Variants in NBN observed in about 807,000 individuals in gnomAD.
NBN encodes nibrin, also known as Nijmegen breakage syndrome 1 (nibrin).
In NBN, 88 loss-of-function variants were observed where a neutral mutation model predicts 90.8. The ratio of observed to expected loss-of-function variants is 0.97; its 90% confidence interval spans 0.82 to 1.16. NBN has a LOEUF of 1.16. Among genes scored for constraint, NBN ranks in the 50% most tolerant of loss-of-function variants. The pLI is 0.00. For synonymous variants in NBN, 328 were observed against 295.1 expected (o/e 1.11, Z -1.14); for missense variants, 894 against 869.6 (o/e 1.03, Z -0.35).
chr8:89,960,830 T>C (rs1310101605), intron 8 of NBN, among the ~76,000 whole-genome samples: 4 of 152,122 alleles, frequency 2.6e-5, no homozygotes, highest in Non-Finnish European at 4.4e-5. Flanking sequence ...TAAGTATTTG[T>C]TGAATAACAA....
chr8:89,950,735 A>T (rs572130299), intron 11 of NBN, among the ~76,000 whole-genome samples: 1 of 120,186 alleles, frequency 8.3e-6, no homozygotes, highest in South Asian at 2.7e-4. Context: ...TAAACCTTAC[A>T]TATTAAATGA....
At chr8:89,967,282 G>T (rs1349646032) in intron 7 of NBN, among the ~76,000 whole-genome samples, 1 of 152,158 alleles carries the variant, frequency 6.6e-6, no homozygotes, top group African/African-American at 2.4e-5. Flanking sequence ...ATCCAAGGTT[G>T]GTTCCCACCT....
chr8:89,948,739 T>A (rs1810313474), intron 11 of NBN, among the ~76,000 whole-genome samples: 1 of 152,230 alleles, frequency 6.6e-6, no homozygotes, highest in African/African-American at 2.4e-5. Context: ...TCAATAGAAT[T>A]AAATGTATGT....
intron 3 of NBN, 129 bp downstream of exon 3, chr8:89,981,246 A>AGAACTAATT: frequency 1.0e-6 from 1 of 982,764 alleles, no homozygotes. Flanking sequence ...CATGGCACAG[A>AGAACTAATT]GTCCAATACT....
chr8:89,974,251 CTTTTTT>C (rs905605538), intron 5 of NBN, among the ~76,000 whole-genome samples: 5 of 106,504 alleles, frequency 4.7e-5, no homozygotes, highest in East Asian at 2.7e-4. Flanking sequence ...TACTATATGG[CTTTTTT>C]TTTTTTTTTT....
chr8:89,981,447 A>AT lies in NBN; in HGVS notation c.247dup (p.Met83AsnfsTer23). 6.2e-7 allele frequency: 1 copy of AT among 1,614,024 alleles called. No individual in the cohort carries two copies. The highest frequency in any genetic ancestry group is 8.5e-7 in the Non-Finnish European group (1 of 1,179,952). ...CAAAGTTCGGGAAAAGCCATTCTGCATTTTTTCCTCATTAACAAAGGTACC... is the reference window on the plus strand; with the variant it reads ...CAAAGTTCGGGAAAAGCCATTCTGCATTTTTTTCCTCATTAACAAAGGTACC... On this transcript the variant is annotated frameshift_variant, in exon 3 of 16. Coordinates refer to ENST00000265433, the MANE Select transcript of NBN (RefSeq NM_002485.5). LOFTEE classifies it high-confidence loss of function.
intron 11 of NBN, among the ~76,000 whole-genome samples, chr8:89,951,858 T>C (rs954583905): frequency 2.6e-5 from 4 of 152,214 alleles, no homozygotes; most frequent in African/African-American, 9.6e-5. Context: ...TGCAACTCTT[T>C]ATCAGGGACA....
At position 89,943,246 on chromosome 8, in the gene NBN, T is replaced by C. The variant is rs200812782; in HGVS notation, c.2184+7A>G. 2 of 1,613,638 alleles carry C rather than the reference T, an allele frequency of 1.2e-6. No homozygotes were observed. The highest frequency in any genetic ancestry group is 2.2e-5 in the East Asian group (1 of 44,804). ...AAGCAAGTTTCTGGGCCTCACTTCCTACTAACCTCCATTTCCTGCCTTAGC... is the reference window on the plus strand; with the variant it reads ...AAGCAAGTTTCTGGGCCTCACTTCCCACTAACCTCCATTTCCTGCCTTAGC... On this transcript the variant is annotated splice_region_variant and intron_variant, in intron 14 of 15. Transcript: ENST00000265433.
intron 7 of NBN, 42 bp downstream of exon 7, chr8:89,970,322 C>A: frequency 6.7e-7 from 1 of 1,490,878 alleles, no homozygotes; most frequent in South Asian, 1.1e-5. Context: ...AACATAAAAT[C>A]TCCTACTTGC....
At chr8:89,936,447 T>C (rs565022592) in intron 15 of NBN, among the ~76,000 whole-genome samples, 1 of 152,326 alleles carries the variant, frequency 6.6e-6, no homozygotes, top group East Asian at 1.9e-4. Flanking sequence ...TCAAAAATAA[T>C]TTCTTCATTC....
At chr8:89,970,249 CAAA>C in intron 7 of NBN, 112 bp downstream of exon 7, 2 of 711,506 alleles carry the variant, frequency 2.8e-6, no homozygotes, top group Non-Finnish European at 4.3e-6. Context: ...GACTCCGTCT[CAAA>C]AAAAAAAAAT....
At chr8:89,977,820 T>G (rs183824996) in intron 5 of NBN, among the ~76,000 whole-genome samples, 18 of 152,318 alleles carry the variant, frequency 1.2e-4, no homozygotes, top group Non-Finnish European at 2.2e-4. Context: ...CTAAGCTCCA[T>G]TCCCAAAGCT....
At chr8:89,979,006 C>CT (rs1811914680) in intron 4 of NBN, among the ~76,000 whole-genome samples, 1 of 152,178 alleles carries the variant, frequency 6.6e-6, no homozygotes, top group Non-Finnish European at 1.5e-5. Context: ...GAGACAGGGT[C>CT]TCGCTCTGTT....
rs1159161073 is a variant in NBN at position 89,958,817 on chromosome 8, T to C, written c.1032A>G (p.Gln344=). 1 of 1,613,968 alleles carries C rather than the reference T, an allele frequency of 6.2e-7. No individual in the cohort carries two copies. The highest frequency in any genetic ancestry group is 1.3e-5 in the African/African-American group (1 of 75,052). Residue 344 remains glutamine (Q), a synonymous_variant, in exon 9 of 16, where the codon CAA becomes CAG. Coordinates refer to ENST00000265433, the MANE Select transcript of NBN (RefSeq NM_002485.5). ...KTTTPGPSLS[Q]GVSVDEKLMP... ...TTAGTTTTTCATCAACTGACACGCC[T>C]TGTGAAAGGCTTGGTCCTGGAGTTG... is the stretch of plus-strand genomic sequence containing the variant.
At chr8:89,944,682 A>T (rs1382705475) in intron 13 of NBN, among the ~76,000 whole-genome samples, 1 of 152,046 alleles carries the variant, frequency 6.6e-6, no homozygotes, top group Non-Finnish European at 1.5e-5. Flanking sequence ...GGCTCAAATG[A>T]TCCTTCAACT....
intron 14 of NBN, among the ~76,000 whole-genome samples, chr8:89,939,033 TAAC>T (rs1041864849): frequency 6.6e-6 from 1 of 152,162 alleles, no homozygotes; most frequent in Non-Finnish European, 1.5e-5. Flanking sequence ...AGGTCTGAGA[TAAC>T]TACTACTCAC....
At chr8:89,964,287 T>C in intron 8 of NBN, 123 bp downstream of exon 8, 2 of 1,098,408 alleles carry the variant, frequency 1.8e-6, no homozygotes, top group South Asian at 1.3e-5. Context: ...AAAGTATAAA[T>C]GGATGAATTT....
chr8:89,976,194 G>A (rs969212725), intron 5 of NBN, among the ~76,000 whole-genome samples: 3 of 152,076 alleles, frequency 2.0e-5, no homozygotes, highest in Admixed American at 6.5e-5. Context: ...CACTGGTCTC[G>A]AACTCCTGAC....
chr8:89,984,633 G>A lies in NBN; in HGVS notation c.-72C>T. The A allele has an allele frequency of 1.3e-6, 2 of 1,592,126 alleles. No homozygotes were observed. The highest frequency in any genetic ancestry group is 1.1e-5 in the South Asian group (1 of 88,556). ...GGGCTGCTAGACGAGCGCGGATACG[G>A]CGCCTGCGGTCGGCATGGGCTCCGG... On this transcript the variant is annotated 5_prime_UTR_variant, in exon 1 of 16. Coordinates refer to ENST00000265433, the MANE Select transcript of NBN (RefSeq NM_002485.5).
Sources: allele counts gnomAD v4.1 joint callset (sites outside exome capture counted in the v4.1 genomes callset), GRCh38; gene constraint gnomAD v4.1.1; transcripts MANE v1.5; gene names NCBI Gene and HGNC (gene_info 2026-07-23, HGNC 2026-07-21).